ANKRD7: variants seen among roughly 807,000 people sequenced by gnomAD.
The protein encoded by ANKRD7 is ankyrin repeat domain 7, also known as ankyrin repeat domain-containing protein 7.
Under a neutral mutation model 30.8 loss-of-function variants are expected in ANKRD7, and 30 were observed. The observed-to-expected ratio is 0.97, with a 90% CI of 0.73 to 1.32. The LOEUF (loss-of-function observed/expected upper bound fraction) is 1.32. Ranked by LOEUF, ANKRD7 falls within the 40% of genes most tolerant of loss-of-function variation. The probability of loss-of-function intolerance (pLI) is 0.00; values close to 1 mark genes in which losing one functional copy is unlikely to be tolerated. For missense variants in ANKRD7, 264 were observed against 295.7 expected, an observed-to-expected ratio of 0.89 and a Z score of 0.79; for synonymous variants, 97 against 106.6, an observed-to-expected ratio of 0.91 and a Z score of 0.55.
intron 1 of ANKRD7, among the ~76,000 whole-genome samples, chr7:118,226,619 T>G (rs188522162): frequency 6.6e-6 from 1 of 152,328 alleles, no homozygotes; most frequent in East Asian, 1.9e-4. Flanking sequence ...TCATCCTGTT[T>G]TCTTCACATT....
chr7:118,240,575 A>G (rs1336636333), intron 6 of ANKRD7, among the ~76,000 whole-genome samples: 1 of 152,322 alleles, frequency 6.6e-6, no homozygotes, highest in African/African-American at 2.4e-5. Context: ...TGAAAATGTA[A>G]AGATGTAATG....
chr7:118,235,986 A>G, intron 3 of ANKRD7, 55 bp from the exon 4 acceptor site: 2 of 941,968 alleles, frequency 2.1e-6, no homozygotes, highest in African/African-American at 1.7e-5. Flanking sequence ...ACTTAAATCT[A>G]AAGAGCATGA....
intron 5 of ANKRD7, among the ~76,000 whole-genome samples, chr7:118,238,236 A>G (rs1008231841): frequency 2.6e-5 from 4 of 152,200 alleles, no homozygotes; most frequent in East Asian, 1.9e-4. Context: ...CATATTGACC[A>G]TGAAGTTTTT....
At chr7:118,240,699 A>T (rs1054777429) in intron 6 of ANKRD7, among the ~76,000 whole-genome samples, 3 of 152,178 alleles carry the variant, frequency 2.0e-5, no homozygotes, top group Non-Finnish European at 4.4e-5. Flanking sequence ...TATCATAAAA[A>T]TTTTAATTTT....
chr7:118,227,948 A>G (rs1167312068), intron 1 of ANKRD7: 8 of 1,340,646 alleles, frequency 6.0e-6, no homozygotes, highest in Non-Finnish European at 7.9e-6. Context: ...CCAATCTTCT[A>G]GATGGCTTTT....
chr7:118,240,211 T>G (rs1584727441), intron 6 of ANKRD7, among the ~76,000 whole-genome samples: 1 of 152,258 alleles, frequency 6.6e-6, no homozygotes, highest in East Asian at 1.9e-4. Flanking sequence ...GTGCACATTG[T>G]GCAGGTTAGT....
chr7:118,235,317 T>A (rs1809709148), intron 3 of ANKRD7, among the ~76,000 whole-genome samples: 1 of 152,144 alleles, frequency 6.6e-6, no homozygotes, highest in South Asian at 2.1e-4. Context: ...TGAATTTTTT[T>A]AAAAAGTGTA....
intron 1 of ANKRD7, 140 bp from the exon 2 acceptor site, chr7:118,234,291 A>C (rs1163946890): frequency 6.7e-6 from 3 of 448,066 alleles, no homozygotes; most frequent in Non-Finnish European, 1.2e-5. Flanking sequence ...AATTGTAATT[A>C]ATGTACATTT....
At chr7:118,234,250 CT>C (rs1350624726) in intron 1 of ANKRD7, among the ~76,000 whole-genome samples, 180 bp from the exon 2 acceptor site, 2 of 152,168 alleles carry the variant, frequency 1.3e-5, no homozygotes, top group African/African-American at 2.4e-5. Flanking sequence ...CTTCAACACA[CT>C]TGCGCAGCCC....
chr7:118,230,129 A>G (rs183067094), intron 1 of ANKRD7, among the ~76,000 whole-genome samples: 8 of 152,224 alleles, frequency 5.3e-5, no homozygotes, highest in South Asian at 2.1e-4. Context: ...TAAGACAAAG[A>G]TGTCTGCTCT....
chr7:118,233,879 T>C (rs1251908578), intron 1 of ANKRD7, among the ~76,000 whole-genome samples: 2 of 152,152 alleles, frequency 1.3e-5, no homozygotes, highest in Non-Finnish European at 2.9e-5. Context: ...CTACCTAGAA[T>C]AGGGTTCTTT....
In ANKRD7 at chr7:118,224,882, G is replaced by A; in HGVS notation, c.52G>A (p.Gly18Ser). 6.2e-7 allele frequency: 1 copy of A among 1,614,128 alleles called. No individual in the cohort carries two copies. Among genetic ancestry groups the A allele is most frequent in the Non-Finnish European group, 8.5e-7 (1 of 1,180,014 alleles). Residue 18 changes from glycine (G) to serine (S), a missense_variant, in exon 1 of 7, where the codon GGC (glycine) becomes AGC (serine). By Grantham distance (56) the Gly-to-Ser change is moderately conservative. Transcript: ENST00000265224. ...WKRKNETRSQ[G>S]YNLREKDLKK... is the part of the protein sequence containing the mutation. ...GAGGAAGAATGAGACCCGCAGCCAG[G>A]GCTACAACCTTCGAGAAAAGGATTT...
intron 4 of ANKRD7, among the ~76,000 whole-genome samples, chr7:118,236,414 T>G (rs1158102725): frequency 6.6e-6 from 1 of 152,182 alleles, no homozygotes; most frequent in Non-Finnish European, 1.5e-5. Flanking sequence ...TATCATTTAT[T>G]ATTAGAATTT....
chr7:118,237,817 A>G (rs2116022173), intron 5 of ANKRD7, among the ~76,000 whole-genome samples: 1 of 152,240 alleles, frequency 6.6e-6, no homozygotes, highest in African/African-American at 2.4e-5. Flanking sequence ...TTCGTAATAC[A>G]GAACGTGTAC....
chr7:118,224,721 CAGGT>C lies in ANKRD7; in HGVS notation c.-108_-105del. The C allele has an allele frequency of 6.6e-7, 1 of 1,506,528 alleles. No individual in the cohort carries two copies. The highest frequency in any genetic ancestry group is 8.8e-7 in the Non-Finnish European group (1 of 1,130,930). The allele number at this position is 1,506,528 out of a possible 1,614,324, so 93.3% of individuals were successfully genotyped here. A position where few individuals can be genotyped will look rare whatever the true frequency, so the allele number is the denominator to read the frequency against. On this transcript the variant is annotated 5_prime_UTR_variant, in exon 1 of 7. Coordinates refer to ENST00000265224, the MANE Select transcript of ANKRD7 (RefSeq NM_019644.4). The stretch of plus-strand genomic sequence containing the variant: ...GCCCTTCCAGCATTTCCACTTTCGT[CAGGT>C]ACTGGAGAGGGCTGCCGGCCGGATG...
chr7:118,241,139 C>T (rs959378680), intron 6 of ANKRD7, among the ~76,000 whole-genome samples: 3 of 116,092 alleles, frequency 2.6e-5, no homozygotes, highest in African/African-American at 1.0e-4. Flanking sequence ...CCGGCCTGGG[C>T]GACAGAGCGA....
chr7:118,231,452 C>T (rs1047915784), intron 1 of ANKRD7, among the ~76,000 whole-genome samples: 3 of 151,970 alleles, frequency 2.0e-5, no homozygotes, highest in Admixed American at 6.6e-5. Flanking sequence ...TAGATTACAT[C>T]GAAAGTGCCC....
At chr7:118,225,315 C>T (rs900282385) in intron 1 of ANKRD7, among the ~76,000 whole-genome samples, 2 of 152,060 alleles carry the variant, frequency 1.3e-5, no homozygotes, top group Non-Finnish European at 2.9e-5. Context: ...GGCGAAACCC[C>T]GTCTCTAACC....
chr7:118,233,360 T>C (rs1809671120), intron 1 of ANKRD7, among the ~76,000 whole-genome samples: 1 of 152,122 alleles, frequency 6.6e-6, no homozygotes, highest in Non-Finnish European at 1.5e-5. Context: ...GGTTAAAATT[T>C]GGCTTTTTAT....
Sources: allele counts gnomAD v4.1 joint callset (sites outside exome capture counted in the v4.1 genomes callset), GRCh38; gene constraint gnomAD v4.1.1; transcripts MANE v1.5; gene names NCBI Gene and HGNC (gene_info 2026-07-23, HGNC 2026-07-21).